Variants in PKP4 observed in about 807,000 individuals in gnomAD.
PKP4 encodes plakophilin-4.
Under a neutral mutation model 145.1 loss-of-function variants are expected in PKP4, and 90 were observed. That is an observed-to-expected ratio of 0.62 (90% CI 0.52 to 0.74). PKP4 has a LOEUF of 0.74. PKP4 is among the 30% of genes least tolerant of loss of function. The pLI is 0.00. For missense variants in PKP4, 1,340 were observed against 1,482.7 expected, an observed-to-expected ratio of 0.90 and a Z score of 1.58; for synonymous variants, 563 against 577.2, an observed-to-expected ratio of 0.98 and a Z score of 0.35.
intron 4 of PKP4, among the ~76,000 whole-genome samples, chr2:158,614,261 TTTATA>T (rs899154386): frequency 6.6e-6 from 1 of 152,196 alleles, no homozygotes; most frequent in Admixed American, 6.5e-5. Context: ...AAGTAGAACT[TTTATA>T]TATGTTTAAA....
intron 4 of PKP4, 135 bp downstream of exon 4, chr2:158,603,239 G>T: frequency 2.1e-6 from 1 of 466,918 alleles, no homozygotes. Flanking sequence ...CATTGCTTTG[G>T]AATAGTACTT....
Position 158,514,712 on chromosome 2 carries a change from G to T in PKP4, c.-5-18468G>T, listed in dbSNP as rs548870263. On this transcript the variant is annotated intron_variant, in intron 1 of 21. Coordinates refer to ENST00000389759, the MANE Select transcript of PKP4 (RefSeq NM_003628.6). ...TCCCAGCACTTTGGGAGGTCGAGGCGGGTGGATCACCTGAGGTCAGGAGTT... is the reference window on the plus strand; with the variant it reads ...TCCCAGCACTTTGGGAGGTCGAGGCTGGTGGATCACCTGAGGTCAGGAGTT... Among the ~76,000 whole-genome samples the T allele has an allele frequency of 2.0e-5, 3 of 152,134 alleles. 1 individual carries two copies. Among genetic ancestry groups the T allele is most frequent in the Middle Eastern group, 6.3e-3 (2 of 316 alleles).
chr2:158,602,775 C>T (rs2050337169), intron 3 of PKP4, among the ~76,000 whole-genome samples: 1 of 152,094 alleles, frequency 6.6e-6, no homozygotes, highest in South Asian at 2.1e-4. Flanking sequence ...CACGAAAAAA[C>T]TGTAGTACAT....
At chr2:158,483,547 A>G (rs1475431603) in intron 1 of PKP4, among the ~76,000 whole-genome samples, 1 of 152,190 alleles carries the variant, frequency 6.6e-6, no homozygotes, top group African/African-American at 2.4e-5. Flanking sequence ...ATACAGCATC[A>G]TAGAGACCAT....
At chr2:158,530,504 C>CTTTTTTTTTTT (rs869120223) in intron 1 of PKP4, among the ~76,000 whole-genome samples, 53 of 92,118 alleles carry the variant, frequency 5.8e-4, no homozygotes, top group African/African-American at 1.2e-3. Context: ...CTCTTTCTTT[C>CTTTTTTTTTTT]TTTTTTTTTT....
At chr2:158,573,456 T>TAAACCA (rs2047578400) in intron 2 of PKP4, among the ~76,000 whole-genome samples, 1 of 152,198 alleles carries the variant, frequency 6.6e-6, no homozygotes, top group Admixed American at 6.5e-5. Flanking sequence ...CAAGGGATTT[T>TAAACCA]ATTGTATTTT....
intron 1 of PKP4, among the ~76,000 whole-genome samples, chr2:158,459,502 CAG>C (rs948351894): frequency 2.0e-5 from 3 of 152,096 alleles, no homozygotes; most frequent in African/African-American, 7.2e-5. Flanking sequence ...ATTTTGCACT[CAG>C]AAACGTTTAT....
chr2:158,673,525 C>A, intron 17 of PKP4, 152 bp from the exon 18 acceptor site: 2 of 639,064 alleles, frequency 3.1e-6, no homozygotes, highest in Non-Finnish European at 2.8e-6. Flanking sequence ...CCCAGGCACA[C>A]CTGGTCCCTT....
At chr2:158,663,166 A>G (rs1251397732) in intron 14 of PKP4, 78 bp downstream of exon 14, 2 of 1,502,350 alleles carry the variant, frequency 1.3e-6, no homozygotes, top group African/African-American at 1.4e-5. Context: ...GCAAGAAAAT[A>G]AATTTTCTGC....
intron 16 of PKP4, among the ~76,000 whole-genome samples, chr2:158,667,671 A>G (rs1337990404): frequency 6.6e-6 from 1 of 152,176 alleles, no homozygotes; most frequent in African/African-American, 2.4e-5. Flanking sequence ...CAGAATTGCT[A>G]TTTTGAATTG....
intron 1 of PKP4, among the ~76,000 whole-genome samples, chr2:158,481,327 T>C (rs1220645450): frequency 1.3e-5 from 2 of 152,222 alleles, no homozygotes; most frequent in Non-Finnish European, 2.9e-5. Context: ...TGTTTTTGGC[T>C]GTTATGAATC....
rs935240865 is a variant in PKP4 at position 158,460,558 on chromosome 2, CTT to C, written c.-6+3341_-6+3342del. ...GCCAACCATCAGGTAAGTCTAGTCT[CTT>C]ACCTGACTCTTTTGAAATATTAAGG... On this transcript the variant is annotated intron_variant, in intron 1 of 21. Transcript: ENST00000389759. Among the ~76,000 whole-genome samples, 18 of 152,294 alleles carry C rather than the reference CTT, an allele frequency of 1.2e-4. No homozygotes were observed. In the East Asian group the frequency reaches 3.1e-3, roughly 26 times the overall value.
chr2:158,564,552 A>G (rs765975569), intron 2 of PKP4, among the ~76,000 whole-genome samples: 1 of 152,148 alleles, frequency 6.6e-6, no homozygotes, highest in African/African-American at 2.4e-5. Flanking sequence ...TTTAATTTTA[A>G]TAGGTATTAC....
intron 6 of PKP4, among the ~76,000 whole-genome samples, chr2:158,623,907 C>G (rs747641021): frequency 6.6e-6 from 1 of 152,184 alleles, no homozygotes; most frequent in Non-Finnish European, 1.5e-5. Context: ...CCCTTGGGCC[C>G]CTTCTCCAGC....
intron 21 of PKP4, among the ~76,000 whole-genome samples, chr2:158,679,844 C>T (rs1244588897): frequency 6.6e-6 from 1 of 152,206 alleles, no homozygotes; most frequent in Admixed American, 6.5e-5. Flanking sequence ...TTGCTTATTC[C>T]TTTAATATTA....
intron 20 of PKP4, among the ~76,000 whole-genome samples, chr2:158,677,794 A>G (rs1279293529): frequency 6.6e-6 from 1 of 152,214 alleles, no homozygotes; most frequent in Non-Finnish European, 1.5e-5. Flanking sequence ...GCACATACCA[A>G]CTGAAGTGCA....
chr2:158,672,072 C>G (rs1197079470), intron 17 of PKP4, among the ~76,000 whole-genome samples: 1 of 152,150 alleles, frequency 6.6e-6, no homozygotes, highest in Non-Finnish European at 1.5e-5. Flanking sequence ...CCCACCCCAG[C>G]GTGGTGATCT....
intron 7 of PKP4, among the ~76,000 whole-genome samples, chr2:158,627,126 C>T (rs1479914417): frequency 6.6e-6 from 1 of 152,164 alleles, no homozygotes. Context: ...TTTCATTCAT[C>T]TATCCAAGAA....
At chr2:158,631,016 C>T (rs1331827662) in intron 7 of PKP4, among the ~76,000 whole-genome samples, 25 of 152,174 alleles carry the variant, frequency 1.6e-4, no homozygotes, top group Non-Finnish European at 3.2e-4. Flanking sequence ...TGGCTCACTG[C>T]AAGCTCCGCC....
Sources: allele counts gnomAD v4.1 joint callset (sites outside exome capture counted in the v4.1 genomes callset), GRCh38; gene constraint gnomAD v4.1.1; transcripts MANE v1.5; gene names NCBI Gene and HGNC (gene_info 2026-07-23, HGNC 2026-07-21).